CPNE5: variants seen among roughly 807,000 people sequenced by gnomAD.
CPNE5 encodes copine 5.
Under a neutral mutation model 81.1 loss-of-function variants are expected in CPNE5, and 42 were observed. The ratio of observed to expected loss-of-function variants is 0.52; its 90% confidence interval spans 0.40 to 0.67. The LOEUF is 0.67. Among genes scored for constraint, CPNE5 ranks in the 30% least tolerant of loss-of-function variants. The pLI is 0.00. For synonymous variants in CPNE5, 313 were observed against 321.5 expected (o/e 0.97, Z 0.28); for missense variants, 612 against 815.5 (o/e 0.75, Z 3.04).
chr6:36,779,330 G>A (rs1472844978), intron 8 of CPNE5, among the ~76,000 whole-genome samples: 2 of 152,208 alleles, frequency 1.3e-5, no homozygotes, highest in Non-Finnish European at 2.9e-5. Flanking sequence ...ACTTGGCAGA[G>A]TGAGGCACGT....
At chr6:36,784,214 C>A (rs1304189074) in intron 8 of CPNE5, among the ~76,000 whole-genome samples, 1 of 152,352 alleles carries the variant, frequency 6.6e-6, no homozygotes, top group Middle Eastern at 3.4e-3. Context: ...TCTGCCCTCC[C>A]TAATACAATC....
In CPNE5 at chr6:36,741,908, C is replaced by T. The variant is rs1044488472; in HGVS notation, c.*360G>A. On this transcript the variant is annotated 3_prime_UTR_variant, in exon 21 of 21. Transcript: ENST00000244751. ...AGATGGGGGGCTGGAGGAGGCCAAGCCCAGGCTTCAGGGTGACAGGTAAGC... is the reference window on the plus strand; with the variant it reads ...AGATGGGGGGCTGGAGGAGGCCAAGTCCAGGCTTCAGGGTGACAGGTAAGC... 3.4e-5 allele frequency: 8 copies of T among 235,980 alleles called. No homozygotes were observed. The highest frequency in any genetic ancestry group is 6.5e-5 in the Non-Finnish European group (8 of 122,146). 14.6% of individuals were successfully genotyped at this position (235,980 alleles called of 1,614,324 possible).
rs149483509 is a variant in CPNE5 at position 36,781,002 on chromosome 6, G to A, written c.529-2045C>T. On this transcript the variant is annotated intron_variant, in intron 8 of 20. Transcript: ENST00000244751. The stretch of plus-strand genomic sequence containing the variant: ...TTCCAGTACCACTCTGCCCCCCTGA[G>A]AGAGAACAAATTACATTTCACCACT... 6.2e-3 allele frequency among the ~76,000 whole-genome samples: 949 copies of A among 152,280 alleles called. 7 individuals carry two copies. The highest frequency in any genetic ancestry group is 0.022 in the African/African-American group (903 of 41,540).
intron 8 of CPNE5, 80 bp downstream of exon 8, chr6:36,791,953 C>G (rs1200115609): frequency 7.8e-7 from 1 of 1,288,094 alleles, no homozygotes; most frequent in African/African-American, 1.5e-5. Context: ...TCGGTTCCCT[C>G]CAGGGGCTCA....
chr6:36,788,463 G>A (rs1768793291), intron 8 of CPNE5, among the ~76,000 whole-genome samples: 1 of 152,124 alleles, frequency 6.6e-6, no homozygotes, highest in African/African-American at 2.4e-5. Context: ...CTGAGGATTA[G>A]GAGTTCCAAG....
At chr6:36,773,007 T>G (rs4557518) in intron 10 of CPNE5, among the ~76,000 whole-genome samples, 83,452 of 151,922 alleles carry the variant, frequency 0.55, 24,054 homozygotes, top group Non-Finnish European at 0.65. Context: ...ACCCAGATAA[T>G]TTTTTTTAAT....
chr6:36,756,566 C>T (rs73414240), intron 12 of CPNE5, among the ~76,000 whole-genome samples: 5,278 of 152,254 alleles, frequency 0.035, 271 homozygotes, highest in African/African-American at 0.12. Context: ...CACTGTTCCC[C>T]GGAACACACG....
At chr6:36,792,359 G>A (rs1337919002) in intron 7 of CPNE5, 3 of 1,507,634 alleles carry the variant, frequency 2.0e-6, no homozygotes, top group East Asian at 5.2e-5. Context: ...AGTGCCTGCA[G>A]TGAAAGTCCT....
rs1562087307 is a variant in CPNE5, at chr6:36,746,963, A to G, written c.1019-386T>C. The stretch of plus-strand genomic sequence containing the variant: ...CCAAAATGAAACCCAAAGTCCTCAC[A>G]AGAGCCCGCAAGCACTCATGATCTG... On this transcript the variant is annotated intron_variant, in intron 15 of 20. Coordinates refer to ENST00000244751, the MANE Select transcript of CPNE5 (RefSeq NM_020939.2). This position sits in a 1 kb window ranked among gnomAD's most constrained non-coding sequence, Gnocchi z 4.5. Among the ~76,000 whole-genome samples the G allele has an allele frequency of 3.3e-3, 1 of 304 alleles. No individual in the cohort carries two copies. The allele number at this position is 304 out of a possible 152,430, so 0.2% of individuals were successfully genotyped here. A position where few individuals can be genotyped will look rare whatever the true frequency, so the allele number is the denominator to read the frequency against.
intron 8 of CPNE5, among the ~76,000 whole-genome samples, chr6:36,790,802 C>G (rs555127061): frequency 4.6e-5 from 7 of 152,258 alleles, no homozygotes; most frequent in African/African-American, 1.7e-4. Context: ...CTCGGCCTCC[C>G]AAAGTGCTGG....
At position 36,762,967 on chromosome 6, in the gene CPNE5, T is replaced by A; in HGVS notation, c.805A>T (p.Thr269Ser). ...CCACGGGCCAGCTCCCGGTAACTGGTGGTGAACTCCCCAATGAAGTCATGG... is the reference window on the plus strand; with the variant it reads ...CCACGGGCCAGCTCCCGGTAACTGGAGGTGAACTCCCCAATGAAGTCATGG... ...GSHDFIGEFT[T>S]SYRELARGQS... The change falls in exon 12 of 21, where the codon ACC (threonine) becomes TCC (serine). Residue 269 changes from threonine to serine, a missense_variant. Physicochemically the swap from Thr to Ser is moderately conservative, Grantham distance 58 (BLOSUM62 1). Transcript: ENST00000244751. The A allele has an allele frequency of 6.2e-7, 1 of 1,614,144 alleles. No homozygotes were observed. The highest frequency in any genetic ancestry group is 8.5e-7 in the Non-Finnish European group (1 of 1,180,024).
rs150877887 is a variant in CPNE5, at chr6:36,835,963, G to A, written c.95+3320C>T. Among the ~76,000 whole-genome samples, 447 of 152,238 alleles carry A rather than the reference G, an allele frequency of 2.9e-3. 2 individuals are homozygous for A. The highest frequency in any genetic ancestry group is 4.9e-3 in the Non-Finnish European group (330 of 68,014). On this transcript the variant is annotated intron_variant, in intron 1 of 20. Transcript: ENST00000244751. ...ATTACTTCATTTAAGCCTCATAACT[G>A]ATAAGGATCATTATGCTTTCTTTAC...
chr6:36,751,259 C>T (rs1028019981), intron 14 of CPNE5, among the ~76,000 whole-genome samples: 3 of 152,278 alleles, frequency 2.0e-5, no homozygotes, highest in African/African-American at 7.2e-5. Flanking sequence ...TGAAACCTCA[C>T]AGCATCCAGC....
chr6:36,808,489 C>A (rs937974877), intron 3 of CPNE5, among the ~76,000 whole-genome samples: 1 of 152,134 alleles, frequency 6.6e-6, no homozygotes, highest in African/African-American at 2.4e-5. Flanking sequence ...TCTCCCGGCA[C>A]GTGAGTCAAC....
intron 13 of CPNE5, 150 bp downstream of exon 13, chr6:36,756,095 C>A: frequency 1.7e-6 from 1 of 572,344 alleles, no homozygotes; most frequent in Non-Finnish European, 3.1e-6. Flanking sequence ...CTCCATCTGC[C>A]CCACCCCTCC....
chr6:36,745,526 G>A lies in CPNE5; in HGVS notation c.1201-11C>T, dbSNP rs774784578. 2.8e-5 allele frequency: 44 copies of A among 1,596,180 alleles called. No individual in the cohort carries two copies. Among genetic ancestry groups the A allele is most frequent in the Middle Eastern group, 3.3e-4 (2 of 6,028 alleles). ...CTCCTGGTTGCCATTCTGGGGGACAGAGGGCAGGGAGGCTGAGCCCAGGAA... is the reference window on the plus strand; with the variant it reads ...CTCCTGGTTGCCATTCTGGGGGACAAAGGGCAGGGAGGCTGAGCCCAGGAA... On this transcript the variant is annotated splice_polypyrimidine_tract_variant and intron_variant, in intron 16 of 20. Coordinates refer to ENST00000244751, the MANE Select transcript of CPNE5 (RefSeq NM_020939.2).
Position 36,798,193 on chromosome 6 carries a change from G to A in CPNE5, c.376C>T (p.Pro126Ser). Reference sequence around the variant, plus strand: ...AGGGGCTTTTCCAGGCGGCTCCCAGGGGACCCCACAATCTCTCCAAGGGTG... The same window carrying A: ...AGGGGCTTTTCCAGGCGGCTCCCAGAGGACCCCACAATCTCTCCAAGGGTG... ...FCTLGEIVGS[P>S]GSRLEKPLTI... Residue 126 changes from proline to serine, a missense_variant, in exon 6 of 21, where the codon CCT becomes TCT. Physicochemically the swap from Pro to Ser is moderately conservative, Grantham distance 74. Coordinates refer to ENST00000244751, the MANE Select transcript of CPNE5 (RefSeq NM_020939.2). 6.2e-7 allele frequency: 1 copy of A among 1,613,830 alleles called. No individual in the cohort carries two copies. Among genetic ancestry groups the A allele is most frequent in the Non-Finnish European group, 8.5e-7 (1 of 1,179,918 alleles).
intron 3 of CPNE5, among the ~76,000 whole-genome samples, chr6:36,807,711 C>T (rs1303521583): frequency 1.3e-5 from 2 of 152,162 alleles, no homozygotes; most frequent in Non-Finnish European, 2.9e-5. Context: ...CTCTAGATAT[C>T]TTCTGTATGC....
intron 15 of CPNE5, among the ~76,000 whole-genome samples, chr6:36,747,255 C>T (rs964981362): frequency 1.3e-5 from 1 of 78,546 alleles, no homozygotes; most frequent in Non-Finnish European, 3.2e-5. Flanking sequence ...CTTGATTTCC[C>T]CCCCCAGAGC....
Sources: gnomAD v4.1 joint callset for allele counts (sites outside exome capture counted in the v4.1 genomes callset) on GRCh38, gnomAD v4.1.1 for gene constraint, Gnocchi (gnomAD v3.1) non-coding constraint, MANE v1.5 for transcripts, NCBI Gene and HGNC (gene_info 2026-07-23, HGNC 2026-07-21) for gene names.